Variants in OSBPL3 observed in about 807,000 individuals in gnomAD.
OSBPL3 encodes oxysterol-binding protein-related protein 3.
A neutral mutation model predicts 120.1 loss-of-function variants in OSBPL3; 65 were observed. That is an observed-to-expected ratio of 0.54 (90% CI 0.44 to 0.67). The LOEUF is 0.67. OSBPL3 is among the 30% of genes least tolerant of loss of function. OSBPL3 has a pLI of 0.00. For missense variants in OSBPL3, 1,004 were observed against 1,082.1 expected (o/e 0.93, Z 1.01); for synonymous variants, 416 against 402.6 (o/e 1.03, Z -0.40).
Position 24,863,207 on chromosome 7 carries a change from G to A in OSBPL3, c.863C>T (p.Thr288Ile). ...AGGGGAAGCAATGGTTACCTGCAGTGTTCCTTTAGCATCTTTGCCAATAGC... is the reference window on the plus strand; with the variant it reads ...AGGGGAAGCAATGGTTACCTGCAGTATTCCTTTAGCATCTTTGCCAATAGC... Reference protein sequence around the residue: ...SRAIGKDAKGTLQVPKPFSGP... With the variant: ...SRAIGKDAKGILQVPKPFSGP... Residue 288 changes from threonine to isoleucine, a missense_variant, in exon 9 of 23, where the codon ACA becomes ATA. Thr to Ile is a moderately conservative substitution (Grantham distance 89). Coordinates refer to ENST00000313367, the MANE Select transcript of OSBPL3 (RefSeq NM_015550.4). The surrounding 1 kb of genome is among the most constrained non-coding windows in gnomAD (Gnocchi z 5.8). The A allele has an allele frequency of 6.2e-7, 1 of 1,612,566 alleles. No individual in the cohort carries two copies. Among genetic ancestry groups the A allele is most frequent in the Non-Finnish European group, 8.5e-7 (1 of 1,178,540 alleles).
intron 2 of OSBPL3, among the ~76,000 whole-genome samples, chr7:24,878,123 T>C (rs895519987): frequency 5.9e-5 from 9 of 152,254 alleles, no homozygotes; most frequent in Admixed American, 3.3e-4. Flanking sequence ...CATTTATTCA[T>C]GCTCATGCGC....
chr7:24,933,950 G>A lies in OSBPL3; in HGVS notation c.-149-41329C>T, dbSNP rs528998103. Among the ~76,000 whole-genome samples, 4 of 152,306 alleles carry A rather than the reference G, an allele frequency of 2.6e-5. No homozygotes were observed. Among genetic ancestry groups the A allele is most frequent in the South Asian group, 4.1e-4 (2 of 4,824 alleles). On this transcript the variant is annotated intron_variant, in intron 1 of 22. Coordinates refer to ENST00000313367, the MANE Select transcript of OSBPL3 (RefSeq NM_015550.4). The surrounding 1 kb of genome is among the most constrained non-coding windows in gnomAD (Gnocchi z 5.1). The stretch of plus-strand genomic sequence containing the variant: ...AGTTTAGTCTATAAATACCTTTATA[G>A]ATGACATTAGAAAAGCAAAGTTTAA...
intron 16 of OSBPL3, among the ~76,000 whole-genome samples, chr7:24,829,632 A>G (rs114261609): frequency 0.011 from 1,602 of 152,272 alleles, 25 homozygotes; most frequent in African/African-American, 0.036. Flanking sequence ...AGAAGCAATG[A>G]TGTCTAATGT....
At position 24,899,685 on chromosome 7, in the gene OSBPL3, ATTAAT is replaced by A. The variant is rs1330916585; in HGVS notation, c.-149-7069_-149-7065del. Among the ~76,000 whole-genome samples, 1 of 152,234 alleles carries A rather than the reference ATTAAT, an allele frequency of 6.6e-6. No individual in the cohort carries two copies. The highest frequency in any genetic ancestry group is 2.4e-5 in the African/African-American group (1 of 41,468). Reference sequence around the variant, plus strand: ...GGCATGGAGGTCTCTGCAGCCTGACATTAATTTGTCTGTTAATTAGCATTTCTGCA... The same window carrying A: ...GGCATGGAGGTCTCTGCAGCCTGACATTGTCTGTTAATTAGCATTTCTGCA... On this transcript the variant is annotated intron_variant, in intron 1 of 22. Coordinates refer to ENST00000313367, the MANE Select transcript of OSBPL3 (RefSeq NM_015550.4). This position sits in a 1 kb window ranked among gnomAD's most constrained non-coding sequence, Gnocchi z 4.0.
rs540383462 is a variant in OSBPL3, at chr7:24,817,999, G to C, written c.1949-1311C>G. ...CACAGGGAAATCAGGGTTGAAGCAG[G>C]GGGGACAGTGGGGAGCCCTGGCTGG... On this transcript the variant is annotated intron_variant, in intron 17 of 22. Coordinates refer to ENST00000313367, the MANE Select transcript of OSBPL3 (RefSeq NM_015550.4). The surrounding 1 kb of genome is among the most constrained non-coding windows in gnomAD (Gnocchi z 4.0). 3.3e-5 allele frequency among the ~76,000 whole-genome samples: 5 copies of C among 152,162 alleles called. No individual in the cohort carries two copies. Among genetic ancestry groups the C allele is most frequent in the African/African-American group, 7.2e-5 (3 of 41,434 alleles).
intron 16 of OSBPL3, among the ~76,000 whole-genome samples, chr7:24,826,458 C>T (rs987412523): frequency 1.3e-5 from 2 of 152,100 alleles, no homozygotes; most frequent in Non-Finnish European, 2.9e-5. Flanking sequence ...GAACAGCATA[C>T]ACAAAGGGCT....
chr7:24,956,907 T>C (rs1252563780), intron 1 of OSBPL3, among the ~76,000 whole-genome samples: 2 of 152,052 alleles, frequency 1.3e-5, no homozygotes, highest in Non-Finnish European at 2.9e-5. Context: ...TCTACTGAAT[T>C]TCTAGTTTTT....
chr7:24,908,655 A>G (rs772533622), intron 1 of OSBPL3, among the ~76,000 whole-genome samples: 2 of 152,216 alleles, frequency 1.3e-5, no homozygotes, highest in Non-Finnish European at 2.9e-5. Flanking sequence ...TAATGTTTCA[A>G]GTTTATTTTG....
intron 1 of OSBPL3, among the ~76,000 whole-genome samples, chr7:24,944,587 G>T (rs565989847): frequency 6.7e-6 from 1 of 149,072 alleles, no homozygotes; most frequent in South Asian, 2.1e-4. Flanking sequence ...CTGAGATTGC[G>T]CCACTGCACT....
At position 24,946,057 on chromosome 7, in the gene OSBPL3, G is replaced by C. The variant is rs564560830; in HGVS notation, c.-150+33829C>G. Among the ~76,000 whole-genome samples, 46 of 152,288 alleles carry C rather than the reference G, an allele frequency of 3.0e-4. No homozygotes were observed. The highest frequency in any genetic ancestry group is 6.0e-4 in the Non-Finnish European group (41 of 68,028). ...GTGGGGCTGGAGCTAGGTGGGGCTA[G>C]AGTCATCTGAAGGCTCAGCTGGGTA... is the stretch of plus-strand genomic sequence containing the variant. On this transcript the variant is annotated intron_variant, in intron 1 of 22. Transcript: ENST00000313367. This position sits in a 1 kb window ranked among gnomAD's most constrained non-coding sequence, Gnocchi z 4.3.
chr7:24,875,326 G>C (rs1285813076), intron 2 of OSBPL3, among the ~76,000 whole-genome samples: 2 of 152,158 alleles, frequency 1.3e-5, no homozygotes, highest in Non-Finnish European at 2.9e-5. Flanking sequence ...CATGCTATTT[G>C]AGTTATTAAT....
At position 24,937,059 on chromosome 7, in the gene OSBPL3, G is replaced by A. The variant is rs1812510602; in HGVS notation, c.-150+42827C>T. ...AGGAAAGAGGTTTAATTGACTCACA[G>A]TTCAGCATGGCTGGGGAAGCCTCAG... is the stretch of plus-strand genomic sequence containing the variant. On this transcript the variant is annotated intron_variant, in intron 1 of 22. Transcript: ENST00000313367. The surrounding 1 kb of genome is among the most constrained non-coding windows in gnomAD (Gnocchi z 4.0). Among the ~76,000 whole-genome samples, 1 of 152,222 alleles carries A rather than the reference G, an allele frequency of 6.6e-6. No individual in the cohort carries two copies. The highest frequency in any genetic ancestry group is 6.5e-5 in the Admixed American group (1 of 15,282).
chr7:24,949,492 A>T (rs1236582827), intron 1 of OSBPL3, among the ~76,000 whole-genome samples: 1 of 152,188 alleles, frequency 6.6e-6, no homozygotes, highest in Non-Finnish European at 1.5e-5. Flanking sequence ...AACTGTATAT[A>T]ATCAATCCAT....
At chr7:24,935,698 C>T (rs1316481572) in intron 1 of OSBPL3, among the ~76,000 whole-genome samples, 1 of 151,806 alleles carries the variant, frequency 6.6e-6, no homozygotes, top group Non-Finnish European at 1.5e-5. Flanking sequence ...TAGAATGATT[C>T]AATTCTCACA....
intron 5 of OSBPL3, among the ~76,000 whole-genome samples, chr7:24,869,153 A>C (rs546714896): frequency 1.2e-4 from 19 of 152,250 alleles, no homozygotes; most frequent in Non-Finnish European, 2.6e-4. Context: ...ACCAAACAGA[A>C]CTTAAAGCAA....
rs1796524014 is a variant in OSBPL3 at position 24,832,531 on chromosome 7, A to AG, written c.1747-1627dup. 2.0e-5 allele frequency among the ~76,000 whole-genome samples: 3 copies of AG among 148,560 alleles called. No homozygotes were observed. In the South Asian group the frequency reaches 6.3e-4, roughly 31 times the overall value. The stretch of plus-strand genomic sequence containing the variant: ...CCTCAAAGAAAAAAAAAAAAAAAAA[A>AG]GAAGAAGAAAAAATCAACTGCACTC... On this transcript the variant is annotated intron_variant, in intron 15 of 22. Coordinates refer to ENST00000313367, the MANE Select transcript of OSBPL3 (RefSeq NM_015550.4).
intron 22 of OSBPL3, among the ~76,000 whole-genome samples, chr7:24,800,820 A>AGGAGGATGTG (rs1207578866): frequency 1.3e-5 from 2 of 152,002 alleles, no homozygotes; most frequent in East Asian, 3.9e-4. Context: ...TTCTGAGAGG[A>AGGAGGATGTG]GGAGGATGTG....
chr7:24,975,008 A>G (rs1187640679), intron 1 of OSBPL3, among the ~76,000 whole-genome samples: 1 of 152,232 alleles, frequency 6.6e-6, no homozygotes, highest in Non-Finnish European at 1.5e-5. Flanking sequence ...TTGTGTCTCA[A>G]TGGTGAGTGG....
chr7:24,884,422 G>T (rs17150428), intron 2 of OSBPL3, among the ~76,000 whole-genome samples: 1 of 152,110 alleles, frequency 6.6e-6, no homozygotes, highest in African/African-American at 2.4e-5. Context: ...AGACTCCAAA[G>T]GGTAGCATGA....
Sources: gnomAD v4.1 joint callset for allele counts (sites outside exome capture counted in the v4.1 genomes callset) on GRCh38, gnomAD v4.1.1 for gene constraint, Gnocchi (gnomAD v3.1) non-coding constraint, MANE v1.5 for transcripts, NCBI Gene and HGNC (gene_info 2026-07-23, HGNC 2026-07-21) for gene names.